Variants in PRKCI observed in about 807,000 individuals in gnomAD.
PRKCI encodes protein kinase C iota type.
PRKCI carries 43 observed loss-of-function variants against 84.0 expected under a neutral mutation model. The observed-to-expected ratio is 0.51, with a 90% CI of 0.40 to 0.66. The LOEUF (loss-of-function observed/expected upper bound fraction) is 0.66. Among genes scored for constraint, PRKCI ranks in the 30% least tolerant of loss-of-function variants. The probability of loss-of-function intolerance (pLI) is 0.00; values close to 1 mark genes in which losing one functional copy is unlikely to be tolerated. For missense variants in PRKCI, 459 were observed against 745.6 expected (o/e 0.62, Z 4.48); for synonymous variants, 216 against 234.4 (o/e 0.92, Z 0.72).
At chr3:170,254,817 G>A (rs1252136691) in intron 2 of PRKCI, among the ~76,000 whole-genome samples, 2 of 151,988 alleles carry the variant, frequency 1.3e-5, no homozygotes, top group Non-Finnish European at 2.9e-5. Flanking sequence ...GTCTTTTGTG[G>A]TTCCATATAA....
rs1214849254 is a variant in PRKCI at position 170,297,845 on chromosome 3, TAAAAC to T, written c.1587+457_1587+461del. Reference sequence around the variant, plus strand: ...TCTAAACTGCTTTTTAGAAAACTTTTAAAACAAAAAAAAAATTCAATTTTTTTTTA... The same window carrying T: ...TCTAAACTGCTTTTTAGAAAACTTTTAAAAAAAAAATTCAATTTTTTTTTA... On this transcript the variant is annotated intron_variant, in intron 16 of 17. Transcript: ENST00000295797. Among the ~76,000 whole-genome samples the T allele has an allele frequency of 3.3e-5, 5 of 151,804 alleles. No individual in the cohort carries two copies. In the East Asian group the frequency reaches 7.7e-4, roughly 23 times the overall value.
intron 2 of PRKCI, among the ~76,000 whole-genome samples, chr3:170,258,043 G>T (rs1028620159): frequency 2.0e-5 from 3 of 152,026 alleles, no homozygotes; most frequent in African/African-American, 4.8e-5. Flanking sequence ...GAAAAAAATG[G>T]AACAGAGGAG....
At chr3:170,264,775 C>G (rs1196950198) in intron 4 of PRKCI, among the ~76,000 whole-genome samples, 1 of 152,070 alleles carries the variant, frequency 6.6e-6, no homozygotes, top group Non-Finnish European at 1.5e-5. Context: ...ATTTCCATCC[C>G]CAAGCTTAAT....
At chr3:170,224,987 C>G (rs1010500397) in intron 1 of PRKCI, among the ~76,000 whole-genome samples, 58 of 152,276 alleles carry the variant, frequency 3.8e-4, no homozygotes, top group African/African-American at 1.3e-3. Context: ...GAGAAGAAAT[C>G]AAAGTCTTGC....
chr3:170,275,132 A>G, intron 7 of PRKCI, 97 bp from the exon 8 acceptor site: 1 of 1,360,976 alleles, frequency 7.3e-7, no homozygotes, highest in South Asian at 1.9e-5. Context: ...AATAAAAATC[A>G]GGAGACAATT....
At chr3:170,245,635 A>T (rs1396318639) in intron 2 of PRKCI, among the ~76,000 whole-genome samples, 1 of 152,036 alleles carries the variant, frequency 6.6e-6, no homozygotes, top group Non-Finnish European at 1.5e-5. Context: ...CACGGGATAC[A>T]CTTATGATCC....
intron 10 of PRKCI, chr3:170,281,498 C>A: frequency 2.3e-6 from 1 of 428,050 alleles, no homozygotes; most frequent in South Asian, 5.5e-5. Context: ...GTAATTATGG[C>A]AGTAGAAATC....
intron 17 of PRKCI, among the ~76,000 whole-genome samples, chr3:170,299,847 GC>G (rs1303458830): frequency 1.5e-4 from 23 of 152,272 alleles, no homozygotes; most frequent in African/African-American, 5.5e-4. Context: ...CCTGAGTATT[GC>G]CTTAAGATAG....
chr3:170,239,621 G>A (rs1733068908), intron 2 of PRKCI, among the ~76,000 whole-genome samples: 1 of 152,016 alleles, frequency 6.6e-6, no homozygotes, highest in African/African-American at 2.4e-5. Flanking sequence ...TTCCCAGATT[G>A]TCACCTGGCT....
At chr3:170,231,314 A>C (rs1303710440) in intron 1 of PRKCI, among the ~76,000 whole-genome samples, 1 of 151,760 alleles carries the variant, frequency 6.6e-6, no homozygotes, top group East Asian at 1.9e-4. Flanking sequence ...CTTCTTGTAG[A>C]CCTATTACAT....
intron 12 of PRKCI, among the ~76,000 whole-genome samples, chr3:170,286,485 CTTTTTT>C (rs34674664): frequency 3.2e-4 from 21 of 65,586 alleles, no homozygotes; most frequent in Non-Finnish European, 3.8e-4. Context: ...AACAATGAGG[CTTTTTT>C]TTTTTTTTTT....
At chr3:170,236,385 G>A (rs897119751) in intron 2 of PRKCI, among the ~76,000 whole-genome samples, 44 of 152,122 alleles carry the variant, frequency 2.9e-4, no homozygotes, top group African/African-American at 1.1e-3. Context: ...ACAGGTATGG[G>A]CCACCACACC....
At chr3:170,289,252 C>G (rs1217826112) in intron 12 of PRKCI, among the ~76,000 whole-genome samples, 1 of 152,078 alleles carries the variant, frequency 6.6e-6, no homozygotes, top group Non-Finnish European at 1.5e-5. Context: ...CAATAAAAAC[C>G]ATATTCATAT....
chr3:170,289,455 C>T (rs907446408), intron 12 of PRKCI, among the ~76,000 whole-genome samples: 1 of 152,020 alleles, frequency 6.6e-6, no homozygotes, highest in African/African-American at 2.4e-5. Flanking sequence ...CTCTAGGGAG[C>T]TGGAACTGGG....
In PRKCI at chr3:170,285,172, C is replaced by T. The variant is rs75086246; in HGVS notation, c.1203+576C>T. 2.2e-3 allele frequency among the ~76,000 whole-genome samples: 335 copies of T among 151,686 alleles called. 6 individuals carry two copies. In the East Asian group the frequency reaches 0.057, roughly 26 times the overall value. On this transcript the variant is annotated intron_variant, in intron 12 of 17. Coordinates refer to ENST00000295797, the MANE Select transcript of PRKCI (RefSeq NM_002740.6). ...TCGGCTCAGTGCCAGCTCCGCCTCCCGGGTTGACGCCATTCTCCTGCCTCA... is the reference window on the plus strand; with the variant it reads ...TCGGCTCAGTGCCAGCTCCGCCTCCTGGGTTGACGCCATTCTCCTGCCTCA...
chr3:170,245,261 G>A (rs543149721), intron 2 of PRKCI, among the ~76,000 whole-genome samples: 2 of 152,236 alleles, frequency 1.3e-5, no homozygotes. Context: ...GCTAATTTGA[G>A]GATCCACTAC....
intron 2 of PRKCI, among the ~76,000 whole-genome samples, chr3:170,253,652 G>C (rs889173837): frequency 2.0e-5 from 3 of 152,016 alleles, no homozygotes; most frequent in African/African-American, 7.2e-5. Context: ...TTAGCCGGGC[G>C]TGGTGGCAGG....
chr3:170,277,711 A>G (rs1710046865), intron 8 of PRKCI, among the ~76,000 whole-genome samples: 1 of 151,282 alleles, frequency 6.6e-6, no homozygotes, highest in African/African-American at 2.4e-5. Flanking sequence ...AAAAAAAAAG[A>G]AAATTACAAA....
chr3:170,278,704 G>C (rs1160307232), intron 8 of PRKCI, among the ~76,000 whole-genome samples: 1 of 152,148 alleles, frequency 6.6e-6, no homozygotes, highest in Non-Finnish European at 1.5e-5. Flanking sequence ...CTAAGGCTGG[G>C]TAATTTATAC....
Sources: allele counts gnomAD v4.1 joint callset (sites outside exome capture counted in the v4.1 genomes callset), GRCh38; gene constraint gnomAD v4.1.1; transcripts MANE v1.5; gene names NCBI Gene and HGNC (gene_info 2026-07-23, HGNC 2026-07-21).